ZNF555: variants seen among roughly 807,000 people sequenced by gnomAD.
ZNF555 encodes the protein zinc finger protein 555.
Under a neutral mutation model 14.0 loss-of-function variants are expected in ZNF555, and 10 were observed. The ratio of observed to expected loss-of-function variants is 0.72; its 90% CI spans 0.44 to 1.21. ZNF555 has a LOEUF of 1.21. Among genes scored for constraint, ZNF555 ranks in the 50% most tolerant of loss-of-function variants. The pLI is 0.00. For missense variants in ZNF555, 747 were observed against 762.0 expected, an observed-to-expected ratio of 0.98 and a Z score of 0.23; for synonymous variants, 277 against 262.4, an observed-to-expected ratio of 1.06 and a Z score of -0.54.
chr19:2,842,295 A>AG (rs894630511), intron 1 of ZNF555, among the ~76,000 whole-genome samples: 6 of 152,126 alleles, frequency 3.9e-5, no homozygotes, highest in Non-Finnish European at 5.9e-5. Context: ...GGGGTAGGTA[A>AG]GGGGAAAAAA....
Position 2,852,286 on chromosome 19 carries a change from G to A in ZNF555, c.315-94G>A, listed in dbSNP as rs1218364934. On this transcript the variant is annotated intron_variant, in intron 3 of 3. Coordinates refer to ENST00000334241, the MANE Select transcript of ZNF555 (RefSeq NM_152791.5). Reference sequence around the variant, plus strand: ...AGTTCCCATGGGGTGAAAAACCTATGCTTTCACTGAAAATGGTTAAGATGC... The same window carrying A: ...AGTTCCCATGGGGTGAAAAACCTATACTTTCACTGAAAATGGTTAAGATGC... 3 of 1,484,898 alleles carry A rather than the reference G, an allele frequency of 2.0e-6. No individual in the cohort carries two copies. The African/African-American group carries it at 4.2e-5, about 21-fold the overall frequency. The allele number at this position is 1,484,898 out of a possible 1,614,324, so 92.0% of individuals were successfully genotyped here. A position where few individuals can be genotyped will look rare whatever the true frequency, so the allele number is the denominator to read the frequency against.
In ZNF555 at chr19:2,855,069, T is replaced by C. The variant is rs1438849299; in HGVS notation, c.*1117T>C. 1 of 152,224 alleles carries C rather than the reference T, an allele frequency of 6.6e-6. No individual in the cohort carries two copies. Among genetic ancestry groups the C allele is most frequent in the Non-Finnish European group, 1.5e-5 (1 of 68,044 alleles). The allele number at this position is 152,224 out of a possible 1,614,324, so 9.4% of individuals were successfully genotyped here. On this transcript the variant is annotated 3_prime_UTR_variant, in exon 4 of 4. Coordinates refer to ENST00000334241, the MANE Select transcript of ZNF555 (RefSeq NM_152791.5). Reference sequence around the variant, plus strand: ...AGAAGAAAAACAACACATGGGACTTTGTACCCTATTGCATTTTTAAGTGTG... The same window carrying C: ...AGAAGAAAAACAACACATGGGACTTCGTACCCTATTGCATTTTTAAGTGTG...
In ZNF555 at chr19:2,859,337, G is replaced by C. The variant is rs1306921054; in HGVS notation, c.*5385G>C. On this transcript the variant is annotated 3_prime_UTR_variant, in exon 4 of 4. Transcript: ENST00000334241. ...TCCGGTGTGGTGGGTCCCGGATATC[G>C]CGTGGCTGTGGCAGGTAGACAGCCC... The C allele has an allele frequency of 6.6e-6, 1 of 152,226 alleles. No homozygotes were observed. The highest frequency in any genetic ancestry group is 2.4e-5 in the African/African-American group (1 of 41,438). 9.4% of individuals were successfully genotyped at this position (152,226 alleles called of 1,614,324 possible).
At chr19:2,851,162 C>G (rs1349896501) in intron 2 of ZNF555, among the ~76,000 whole-genome samples, 1 of 151,896 alleles carries the variant, frequency 6.6e-6, no homozygotes, top group African/African-American at 2.4e-5. Context: ...CATCCCTGGC[C>G]AATTTTTGTA....
rs186013237 is a variant in ZNF555 at position 2,852,935 on chromosome 19, G to A, written c.870G>A (p.Ala290=). The change falls in exon 4 of 4, where the codon GCG becomes GCA. Residue 290 remains alanine, a synonymous_variant. Transcript: ENST00000334241. ...AGCCATATAAATGTAAGGAATGTGCGGAAGCCTTTAGTTATTCCTCAACTT... is the reference window on the plus strand; with the variant it reads ...AGCCATATAAATGTAAGGAATGTGCAGAAGCCTTTAGTTATTCCTCAACTT... The part of the protein sequence containing the change: ...GEKPYKCKEC[A]EAFSYSSTFR... 2.6e-5 allele frequency: 42 copies of A among 1,614,208 alleles called. 1 individual carries two copies. In the Middle Eastern group the frequency reaches 4.9e-4, roughly 19 times the overall value.
rs113080491 is a variant in ZNF555, at chr19:2,849,095, G to A, written c.4-1492G>A. ...CATATTGTCCCCTGTGCCAGTAGGAGGGTCCTGTAGATACTCTGCAGCTCT... is the reference window on the plus strand; with the variant it reads ...CATATTGTCCCCTGTGCCAGTAGGAAGGTCCTGTAGATACTCTGCAGCTCT... On this transcript the variant is annotated intron_variant, in intron 1 of 3. Coordinates refer to ENST00000334241, the MANE Select transcript of ZNF555 (RefSeq NM_152791.5). Among the ~76,000 whole-genome samples, 366 of 152,312 alleles carry A rather than the reference G, an allele frequency of 2.4e-3. 2 individuals are homozygous for A. The highest frequency in any genetic ancestry group is 8.3e-3 in the African/African-American group (345 of 41,570).
intron 1 of ZNF555, among the ~76,000 whole-genome samples, chr19:2,842,177 A>G (rs116215650): frequency 0.063 from 9,532 of 152,022 alleles, 402 homozygotes; most frequent in East Asian, 0.2. Context: ...GCGGGGGCGG[A>G]GACGCCCCCA....
At chr19:2,849,483 C>CTTTTT (rs113343627) in intron 1 of ZNF555, among the ~76,000 whole-genome samples, 1 of 132,086 alleles carries the variant, frequency 7.6e-6, no homozygotes, top group Admixed American at 7.8e-5. Context: ...AGCAATAATA[C>CTTTTT]TTTTTTTTTT....
Position 2,859,561 on chromosome 19 carries a change from C to T in ZNF555, c.*5609C>T, listed in dbSNP as rs1275393285. ...ATACCAGTGATGTCCTAACTGAGCT[C>T]CCTGGGTCTGGTAGTGAGGAGCTCA... is the stretch of plus-strand genomic sequence containing the variant. On this transcript the variant is annotated 3_prime_UTR_variant, in exon 4 of 4. Transcript: ENST00000334241. 2.0e-5 allele frequency: 3 copies of T among 152,294 alleles called. No homozygotes were observed. Among genetic ancestry groups the T allele is most frequent in the African/African-American group, 7.2e-5 (3 of 41,428 alleles). 9.4% of individuals were successfully genotyped at this position (152,294 alleles called of 1,614,324 possible).
At chr19:2,848,470 A>G (rs956335146) in intron 1 of ZNF555, among the ~76,000 whole-genome samples, 1 of 138,288 alleles carries the variant, frequency 7.2e-6, no homozygotes, top group Non-Finnish European at 1.6e-5. Flanking sequence ...TTTTTTTTAG[A>G]TGAAGTCTTA....
rs994672827 is a variant in ZNF555 at position 2,858,905 on chromosome 19, T to C, written c.*4953T>C. The stretch of plus-strand genomic sequence containing the variant: ...CTGTCCAGTCACCTGACGTGCTTTT[T>C]CTGCGCACTCAGGTCGTGACACCCC... On this transcript the variant is annotated 3_prime_UTR_variant, in exon 4 of 4. Coordinates refer to ENST00000334241, the MANE Select transcript of ZNF555 (RefSeq NM_152791.5). The C allele has an allele frequency of 2.6e-5, 4 of 152,582 alleles. No individual in the cohort carries two copies. Among genetic ancestry groups the C allele is most frequent in the Admixed American group, 2.6e-4 (4 of 15,306 alleles). 9.5% of individuals were successfully genotyped at this position (152,582 alleles called of 1,614,324 possible).
At position 2,856,947 on chromosome 19, in the gene ZNF555, G is replaced by C. The variant is rs781595299; in HGVS notation, c.*2995G>C. On this transcript the variant is annotated 3_prime_UTR_variant, in exon 4 of 4. Transcript: ENST00000334241. ...TGAGTTCCGGAAAAAAAGAAGACAT[G>C]TTTGACATCCTCAAACGAGAAAATT... 3.9e-5 allele frequency: 6 copies of C among 152,216 alleles called. No homozygotes were observed. Among genetic ancestry groups the C allele is most frequent in the Non-Finnish European group, 8.8e-5 (6 of 68,042 alleles). 9.4% of individuals were successfully genotyped at this position (152,216 alleles called of 1,614,324 possible). A position where few individuals can be genotyped will look rare whatever the true frequency, so the allele number is the denominator to read the frequency against.
Position 2,853,942 on chromosome 19 carries a change from T to C in ZNF555, c.1877T>C (p.Leu626Ser), listed in dbSNP as rs1437720637. The change falls in exon 4 of 4, where the codon TTG becomes TCG. Residue 626 changes from leucine (L) to serine (S), a missense_variant. Coordinates refer to ENST00000334241, the MANE Select transcript of ZNF555 (RefSeq NM_152791.5). ...CTGATCAAAGTTGTAAATATGGTGT[T>C]GCCTTTATGAGTTCCTTATCCTGAA... The part of the protein sequence containing the change: ...RDLIKVVNMV[L>S]PL 1 of 1,613,520 alleles carries C rather than the reference T, an allele frequency of 6.2e-7. No individual in the cohort carries two copies. The highest frequency in any genetic ancestry group is 8.5e-7 in the Non-Finnish European group (1 of 1,180,018).
At position 2,853,833 on chromosome 19, in the gene ZNF555, AAAC is replaced by A; in HGVS notation, c.1770_1772del (p.Gln591del). 6.2e-7 allele frequency: 1 copy of A among 1,613,906 alleles called. No individual in the cohort carries two copies. The highest frequency in any genetic ancestry group is 8.5e-7 in the Non-Finnish European group (1 of 1,179,900). On this transcript the variant is annotated inframe_deletion, in exon 4 of 4. Transcript: ENST00000334241. Reference sequence around the variant, plus strand: ...ACATGTGAGAATACACACTACAGAAAAACAGTATAAGTGTAATGTAGGACATCC... The same window carrying A: ...ACATGTGAGAATACACACTACAGAAAAGTATAAGTGTAATGTAGGACATCC...
In ZNF555 at chr19:2,854,097, A is replaced by G; in HGVS notation, c.*145A>G. The G allele has an allele frequency of 9.9e-7, 1 of 1,006,292 alleles. No individual in the cohort carries two copies. Among genetic ancestry groups the G allele is most frequent in the Admixed American group, 3.0e-5 (1 of 33,830 alleles). The allele number at this position is 1,006,292 out of a possible 1,614,324, so 62.3% of individuals were successfully genotyped here. A position where few individuals can be genotyped will look rare whatever the true frequency, so the allele number is the denominator to read the frequency against. On this transcript the variant is annotated 3_prime_UTR_variant, in exon 4 of 4. Coordinates refer to ENST00000334241, the MANE Select transcript of ZNF555 (RefSeq NM_152791.5). ...TAGTTTCTTACGATTCAGTAAATAA[A>G]ACTTTCATCTTAGAGTGTTTTGGAC...
At chr19:2,849,481 TAC>T (rs2087609780) in intron 1 of ZNF555, among the ~76,000 whole-genome samples, 1 of 136,810 alleles carries the variant, frequency 7.3e-6, no homozygotes, top group African/African-American at 2.7e-5. Context: ...TTAGCAATAA[TAC>T]TTTTTTTTTT....
Position 2,852,590 on chromosome 19 carries a change from G to T in ZNF555, c.525G>T (p.Gln175His), listed in dbSNP as rs375095643. 2 of 1,614,150 alleles carry T rather than the reference G, an allele frequency of 1.2e-6. No individual in the cohort carries two copies. The highest frequency in any genetic ancestry group is 1.7e-6 in the Non-Finnish European group (2 of 1,180,042). Residue 175 changes from glutamine to histidine, a missense_variant, in exon 4 of 4, where the codon CAG becomes CAT. By Grantham distance (24) the Gln-to-His change is conservative. Coordinates refer to ENST00000334241, the MANE Select transcript of ZNF555 (RefSeq NM_152791.5). ...CTGGACACAAACCATATCAGTGCCA[G>T]GAATGTGGGCAGGCCTACAGTTGTC... ...VHTGHKPYQCQECGQAYSCRS... is the reference protein window; with the variant it reads ...VHTGHKPYQCHECGQAYSCRS...
intron 1 of ZNF555, among the ~76,000 whole-genome samples, chr19:2,848,963 A>C (rs1446295930): frequency 6.6e-6 from 1 of 152,176 alleles, no homozygotes; most frequent in Non-Finnish European, 1.5e-5. Flanking sequence ...CTAAGGATAG[A>C]GTCTAAGGCC....
At chr19:2,851,428 A>C in intron 2 of ZNF555, 40 bp from the exon 3 acceptor site, 1 of 1,516,552 alleles carries the variant, frequency 6.6e-7, no homozygotes, top group South Asian at 1.3e-5. Flanking sequence ...TTCCGCTAAC[A>C]AGTGCCTTCT....
Sources: gnomAD v4.1 joint callset for allele counts (sites outside exome capture counted in the v4.1 genomes callset) on GRCh38, gnomAD v4.1.1 for gene constraint, MANE v1.5 for transcripts, NCBI Gene and HGNC (gene_info 2026-07-23, HGNC 2026-07-21) for gene names.